The following INPP4A variants were observed in gnomAD, a reference collection of about 807,000 sequenced individuals.
The protein encoded by INPP4A is inositol polyphosphate-4-phosphatase, type I, 107kD.
In INPP4A, 33 loss-of-function variants were observed where a neutral mutation model predicts 119.8. The observed-to-expected ratio is 0.28, with a 90% CI of 0.21 to 0.37. INPP4A has a LOEUF of 0.37. Ranked by LOEUF, INPP4A falls within the 10% of genes least tolerant of loss-of-function variation. The pLI, the probability that INPP4A is intolerant of heterozygous loss-of-function variation, is 1.00. For missense variants in INPP4A, 956 were observed against 1,289.9 expected (o/e 0.74, Z 3.97); for synonymous variants, 496 against 500.7 (o/e 0.99, Z 0.12).
intron 17 of INPP4A, among the ~76,000 whole-genome samples, chr2:98,561,668 G>A (rs1695497793): frequency 6.6e-6 from 1 of 152,202 alleles, no homozygotes; most frequent in Non-Finnish European, 1.5e-5. Flanking sequence ...TATGGAGAGA[G>A]CTTGTTTAGT....
At chr2:98,500,892 A>T (rs1366783152) in intron 1 of INPP4A, among the ~76,000 whole-genome samples, 1 of 152,238 alleles carries the variant, frequency 6.6e-6, no homozygotes, top group Non-Finnish European at 1.5e-5. Flanking sequence ...CCAAGCAGAA[A>T]ATCTTTGTTA....
chr2:98,497,489 G>A (rs1014997350), intron 1 of INPP4A, among the ~76,000 whole-genome samples: 1 of 152,168 alleles, frequency 6.6e-6, no homozygotes, highest in Non-Finnish European at 1.5e-5. Flanking sequence ...GACACTCAAC[G>A]CTAGCCCATG....
chr2:98,491,817 A>G (rs534555082), intron 1 of INPP4A, among the ~76,000 whole-genome samples: 1 of 152,310 alleles, frequency 6.6e-6, no homozygotes, highest in East Asian at 1.9e-4. Context: ...AGGGAAGAAT[A>G]TACAGATGCT....
At chr2:98,462,735 G>A (rs1233950179) in intron 1 of INPP4A, among the ~76,000 whole-genome samples, 1 of 151,846 alleles carries the variant, frequency 6.6e-6, no homozygotes, top group African/African-American at 2.4e-5. Flanking sequence ...TGCCTAGGCT[G>A]GTATTGAACT....
At position 98,460,966 on chromosome 2, in the gene INPP4A, TATTA is replaced by T. The variant is rs1412227903; in HGVS notation, c.-166+15885_-166+15888del. Reference sequence around the variant, plus strand: ...CAGAAATGCTGGTTTCTAGAAATGGTATTAATTGTCTCAGGGGCTCTCCCTACAG... The same window carrying T: ...CAGAAATGCTGGTTTCTAGAAATGGTATTGTCTCAGGGGCTCTCCCTACAG... On this transcript the variant is annotated intron_variant, in intron 1 of 24. Transcript: ENST00000409851. 3.3e-5 allele frequency among the ~76,000 whole-genome samples: 5 copies of T among 152,136 alleles called. No individual in the cohort carries two copies. The South Asian group carries it at 8.3e-4, about 25-fold the overall frequency.
At chr2:98,483,751 G>A (rs1678973108) in intron 1 of INPP4A, among the ~76,000 whole-genome samples, 2 of 152,072 alleles carry the variant, frequency 1.3e-5, no homozygotes. Context: ...CCACCTTCCT[G>A]TTGGCTACTC....
At position 98,591,150 on chromosome 2, in the gene INPP4A, T is replaced by C. The variant is rs1279532088; in HGVS notation, c.*3542T>C. ...TACCTGTCTTTCATTTTGATGCTTG[T>C]TCTGAAATGGAGTCCTGGCTTCACC... is the stretch of plus-strand genomic sequence containing the variant. On this transcript the variant is annotated 3_prime_UTR_variant, in exon 25 of 25. Transcript: ENST00000409851. 1 of 182,764 alleles carries C rather than the reference T, an allele frequency of 5.5e-6. No individual in the cohort carries two copies. The highest frequency in any genetic ancestry group is 1.2e-5 in the Non-Finnish European group (1 of 85,950). The allele number at this position is 182,764 out of a possible 1,614,324, so 11.3% of individuals were successfully genotyped here.
At chr2:98,497,953 G>A (rs1403929576) in intron 1 of INPP4A, among the ~76,000 whole-genome samples, 2 of 152,332 alleles carry the variant, frequency 1.3e-5, no homozygotes, top group East Asian at 3.9e-4. Flanking sequence ...ATTGTATCTA[G>A]AAAGTAACTA....
intron 1 of INPP4A, among the ~76,000 whole-genome samples, chr2:98,456,177 CAA>C (rs1696105991): frequency 6.6e-6 from 1 of 151,872 alleles, no homozygotes; most frequent in Non-Finnish European, 1.5e-5. Context: ...TGACTTGTTT[CAA>C]AAAGGATACA....
At chr2:98,535,961 G>A (rs1690187068) in intron 6 of INPP4A, 116 bp downstream of exon 6, 1 of 710,654 alleles carries the variant, frequency 1.4e-6, no homozygotes, top group South Asian at 1.7e-5. Flanking sequence ...GTTAACTCAT[G>A]TCTAAATGCA....
chr2:98,538,826 T>A, intron 8 of INPP4A, 65 bp from the exon 9 acceptor site: 1 of 903,122 alleles, frequency 1.1e-6, no homozygotes, highest in Non-Finnish European at 1.8e-6. Flanking sequence ...CCACTGTTTC[T>A]GCTGAATGTT....
chr2:98,528,932 GC>G (rs1414279611), intron 4 of INPP4A, among the ~76,000 whole-genome samples: 1 of 152,056 alleles, frequency 6.6e-6, no homozygotes, highest in East Asian at 1.9e-4. Flanking sequence ...AAAAAAATTA[GC>G]TGGGCGTGGT....
rs1696999578 is a variant in INPP4A, at chr2:98,569,158, T to C, written c.2518+490T>C. ...AGTAATCTCTCTGCGTGTCCTGCAGTGAAGATGCTGCAGCTAGGGCTCTGC... is the reference window on the plus strand; with the variant it reads ...AGTAATCTCTCTGCGTGTCCTGCAGCGAAGATGCTGCAGCTAGGGCTCTGC... On this transcript the variant is annotated intron_variant, in intron 22 of 24. Coordinates refer to ENST00000409851, the MANE Select transcript of INPP4A (RefSeq NM_001134225.2). The surrounding 1 kb of genome is among the most constrained non-coding windows in gnomAD (Gnocchi z 5.1). The C allele has an allele frequency of 6.3e-6, 1 of 159,916 alleles. No homozygotes were observed. The highest frequency in any genetic ancestry group is 1.4e-5 in the Non-Finnish European group (1 of 72,614). The allele number at this position is 159,916 out of a possible 1,614,324, so 9.9% of individuals were successfully genotyped here.
intron 5 of INPP4A, 79 bp downstream of exon 5, chr2:98,533,574 G>A: frequency 3.5e-6 from 3 of 848,440 alleles, no homozygotes; most frequent in Non-Finnish European, 6.1e-6. Flanking sequence ...TCAGTTACTT[G>A]TGCATCTGTA....
At chr2:98,464,318 G>C (rs1376038650) in intron 1 of INPP4A, among the ~76,000 whole-genome samples, 3 of 152,164 alleles carry the variant, frequency 2.0e-5, no homozygotes, top group African/African-American at 7.2e-5. Context: ...GGGTCTGCAT[G>C]ATGGAGGCCG....
chr2:98,461,031 C>T (rs1460458493), intron 1 of INPP4A, among the ~76,000 whole-genome samples: 4 of 152,150 alleles, frequency 2.6e-5, no homozygotes, highest in Non-Finnish European at 4.4e-5. Context: ...CAGCCGGTTC[C>T]ATCTTCTCCA....
intron 1 of INPP4A, among the ~76,000 whole-genome samples, chr2:98,514,475 A>G (rs1196223541): frequency 1.3e-5 from 2 of 152,180 alleles, no homozygotes; most frequent in East Asian, 3.8e-4. Context: ...GCTGGTTGCC[A>G]GGGTAACCAA....
chr2:98,553,858 G>A (rs1031757213), intron 14 of INPP4A, among the ~76,000 whole-genome samples: 1 of 152,222 alleles, frequency 6.6e-6, no homozygotes, highest in Non-Finnish European at 1.5e-5. Context: ...TAGATGCTGA[G>A]GAACAAAAGA....
chr2:98,510,122 C>T (rs997710880), intron 1 of INPP4A, among the ~76,000 whole-genome samples: 3 of 152,174 alleles, frequency 2.0e-5, no homozygotes, highest in Admixed American at 6.5e-5. Flanking sequence ...GTGGGAGGGA[C>T]GCTGGTCAAA....
Sources: allele counts gnomAD v4.1 joint callset (sites outside exome capture counted in the v4.1 genomes callset), GRCh38; gene constraint gnomAD v4.1.1; non-coding constraint Gnocchi (gnomAD v3.1); transcripts MANE v1.5; gene names NCBI Gene and HGNC (gene_info 2026-07-23, HGNC 2026-07-21).